SLC5A10: variants seen among roughly 807,000 people sequenced by gnomAD.
SLC5A10 encodes the protein sodium/mannose cotransporter SLC5A10.
Under a neutral mutation model 68.9 loss-of-function variants are expected in SLC5A10, and 55 were observed. The observed-to-expected ratio is 0.80, with a 90% CI of 0.64 to 1.00. SLC5A10 has a LOEUF of 1.00. Among genes scored for constraint, SLC5A10 ranks in the 50% least tolerant of loss-of-function variants. The pLI, the probability that SLC5A10 is intolerant of heterozygous loss-of-function variation, is 0.00. For missense variants in SLC5A10, 732 were observed against 819.3 expected, an observed-to-expected ratio of 0.89 and a Z score of 1.30; for synonymous variants, 344 against 344.8, an observed-to-expected ratio of 1.00 and a Z score of 0.02.
At chr17:18,999,727 A>C (rs1438184674) in intron 9 of SLC5A10, among the ~76,000 whole-genome samples, 1 of 152,240 alleles carries the variant, frequency 6.6e-6, no homozygotes, top group Non-Finnish European at 1.5e-5. Context: ...GGGGTGAATC[A>C]GGCTTCGTGA....
chr17:19,009,233 C>T (rs1043582381), intron 9 of SLC5A10, among the ~76,000 whole-genome samples: 1 of 152,094 alleles, frequency 6.6e-6, no homozygotes, highest in African/African-American at 2.4e-5. Context: ...TCTGTCACCT[C>T]AAGGCTGGAG....
chr17:18,965,913 C>T (rs779315164), intron 5 of SLC5A10, among the ~76,000 whole-genome samples: 3 of 152,236 alleles, frequency 2.0e-5, no homozygotes, highest in Admixed American at 1.3e-4. Flanking sequence ...TTTCACTTCT[C>T]CATGCCCAGG....
chr17:19,017,172 G>C lies in SLC5A10; in HGVS notation c.1241+1973G>C. On this transcript the variant is annotated intron_variant, in intron 11 of 14. Transcript: ENST00000395645. This position sits in a 1 kb window ranked among gnomAD's most constrained non-coding sequence, Gnocchi z 5.6. ...GCACAAGGCTGCGTGGTGCAGGGCAGGTTGCTCACCCTCTCTGGGCCCCAG... is the reference window on the plus strand; with the variant it reads ...GCACAAGGCTGCGTGGTGCAGGGCACGTTGCTCACCCTCTCTGGGCCCCAG... 1 of 928,536 alleles carries C rather than the reference G, an allele frequency of 1.1e-6. No individual in the cohort carries two copies. Among genetic ancestry groups the C allele is most frequent in the South Asian group, 1.6e-5 (1 of 63,102 alleles). 57.5% of individuals were successfully genotyped at this position (928,536 alleles called of 1,614,324 possible).
chr17:18,951,474 G>GCGGAA (rs1274110809), upstream of SLC5A10, among the ~76,000 whole-genome samples: 51 of 152,372 alleles, frequency 3.3e-4, no homozygotes, highest in African/African-American at 1.2e-3. Flanking sequence ...GGGATCATGT[G>GCGGAA]CAGAACAGCC....
intron 9 of SLC5A10, chr17:18,977,616 G>A (rs1187682314): frequency 3.1e-6 from 5 of 1,609,308 alleles, no homozygotes; most frequent in East Asian, 2.2e-5. Flanking sequence ...CGCTGGGCCT[G>A]CATCCTCTTC....
intron 1 of SLC5A10, among the ~76,000 whole-genome samples, chr17:18,953,204 C>T (rs544960510): frequency 1.3e-4 from 20 of 149,064 alleles, no homozygotes; most frequent in Non-Finnish European, 2.4e-4. Context: ...GGCACTATCT[C>T]GGCTCACTGC....
At position 18,980,601 on chromosome 17, in the gene SLC5A10, C is replaced by G. The variant is rs73981269; in HGVS notation, c.982+3612C>G. On this transcript the variant is annotated intron_variant, in intron 9 of 14. Coordinates refer to ENST00000395645, the MANE Select transcript of SLC5A10 (RefSeq NM_001042450.4). Reference sequence around the variant, plus strand: ...AGCTCCAGGTGCTGACTTCCCTCCCCCAGGTAGCAGGACCTGCTGTGAGGG... The same window carrying G: ...AGCTCCAGGTGCTGACTTCCCTCCCGCAGGTAGCAGGACCTGCTGTGAGGG... Among the ~76,000 whole-genome samples, 1,307 of 152,304 alleles carry G rather than the reference C, an allele frequency of 8.6e-3. 15 individuals are homozygous for G. Among genetic ancestry groups the G allele is most frequent in the African/African-American group, 0.03 (1,253 of 41,562 alleles).
chr17:18,978,809 G>A (rs2043056300), intron 9 of SLC5A10: 1 of 1,612,874 alleles, frequency 6.2e-7, no homozygotes, highest in African/African-American at 1.3e-5. Flanking sequence ...AGACAGCACA[G>A]AGATCACATT....
In SLC5A10 at chr17:19,017,148, C is replaced by T. The variant is rs576975032; in HGVS notation, c.1241+1949C>T. ...CAGTCGGCCTCCCTGAGGAGCAAGGCACAAGGCTGCGTGGTGCAGGGCAGG... is the reference window on the plus strand; with the variant it reads ...CAGTCGGCCTCCCTGAGGAGCAAGGTACAAGGCTGCGTGGTGCAGGGCAGG... On this transcript the variant is annotated intron_variant, in intron 11 of 14. Coordinates refer to ENST00000395645, the MANE Select transcript of SLC5A10 (RefSeq NM_001042450.4). This position sits in a 1 kb window ranked among gnomAD's most constrained non-coding sequence, Gnocchi z 5.6. The T allele has an allele frequency of 2.2e-4, 163 of 741,010 alleles. 5 individuals carry two copies. In the South Asian group the frequency reaches 2.7e-3, roughly 12 times the overall value. 45.9% of individuals were successfully genotyped at this position (741,010 alleles called of 1,614,324 possible).
intron 9 of SLC5A10, 104 bp from the exon 10 acceptor site, chr17:19,013,306 T>C (rs139650802): frequency 3.4e-5 from 53 of 1,540,788 alleles, no homozygotes; most frequent in Admixed American, 1.1e-4. Context: ...TCAGAGGCAT[T>C]GATGGAGCAG....
At chr17:18,975,455 C>T (rs1045908815) in intron 8 of SLC5A10, among the ~76,000 whole-genome samples, 12 of 151,994 alleles carry the variant, frequency 7.9e-5, no homozygotes, top group Admixed American at 2.6e-4. Flanking sequence ...TTTGGGAGGC[C>T]GAGGCGGGCA....
upstream of SLC5A10, among the ~76,000 whole-genome samples, chr17:18,951,185 G>A (rs946265386): frequency 1.5e-4 from 23 of 152,364 alleles, no homozygotes; most frequent in African/African-American, 5.5e-4. Context: ...TCATGTCACT[G>A]AGCAGAGGCG....
chr17:19,001,559 T>C (rs2043730192), intron 9 of SLC5A10, among the ~76,000 whole-genome samples: 1 of 152,240 alleles, frequency 6.6e-6, no homozygotes, highest in Admixed American at 6.5e-5. Flanking sequence ...AGCTTCTTCC[T>C]GGCTATGTCA....
intron 1 of SLC5A10, among the ~76,000 whole-genome samples, chr17:18,955,000 T>C (rs777165811): frequency 1.3e-4 from 20 of 149,746 alleles, no homozygotes; most frequent in African/African-American, 3.7e-4. Context: ...GCAGGAGAAT[T>C]GCTTGAAACC....
chr17:18,978,698 G>A (rs1363032155), intron 9 of SLC5A10: 17 of 1,612,968 alleles, frequency 1.1e-5, no homozygotes, highest in Non-Finnish European at 1.4e-5. Context: ...AATAGGCTCC[G>A]GCTCCGGTTC....
At chr17:18,998,234 G>A (rs2043617008) in intron 9 of SLC5A10, among the ~76,000 whole-genome samples, 1 of 152,268 alleles carries the variant, frequency 6.6e-6, no homozygotes, top group African/African-American at 2.4e-5. Context: ...CTGCTCTCAA[G>A]GCAGAGGGTA....
chr17:19,017,525 T>C lies in SLC5A10; in HGVS notation c.1242-1898T>C. 5 of 835,314 alleles carry C rather than the reference T, an allele frequency of 6.0e-6. No homozygotes were observed. Among genetic ancestry groups the C allele is most frequent in the South Asian group, 1.7e-5 (1 of 59,952 alleles). The allele number at this position is 835,314 out of a possible 1,614,324, so 51.7% of individuals were successfully genotyped here. A position where few individuals can be genotyped will look rare whatever the true frequency, so the allele number is the denominator to read the frequency against. ...TGCAGTACCATGCCGGTGACCCTGA[T>C]GGCTCTGTCCAGCTGAGCAGAGGCT... is the stretch of plus-strand genomic sequence containing the variant. On this transcript the variant is annotated intron_variant, in intron 11 of 14. Coordinates refer to ENST00000395645, the MANE Select transcript of SLC5A10 (RefSeq NM_001042450.4). The surrounding 1 kb of genome is among the most constrained non-coding windows in gnomAD (Gnocchi z 5.6).
At chr17:18,977,324 C>T (rs1471148636) in intron 9 of SLC5A10, 2 of 584,536 alleles carry the variant, frequency 3.4e-6, no homozygotes, top group East Asian at 5.9e-5. Flanking sequence ...CTTTGGAGAC[C>T]TCTAGGTGGG....
chr17:18,993,949 G>A (rs1401837755), intron 9 of SLC5A10, among the ~76,000 whole-genome samples: 2 of 152,176 alleles, frequency 1.3e-5, no homozygotes, highest in East Asian at 1.9e-4. Flanking sequence ...GCAGCTGCAC[G>A]GACCCTCCTC....
Sources: allele counts gnomAD v4.1 joint callset (sites outside exome capture counted in the v4.1 genomes callset), GRCh38; gene constraint gnomAD v4.1.1; non-coding constraint Gnocchi (gnomAD v3.1); transcripts MANE v1.5; gene names NCBI Gene and HGNC (gene_info 2026-07-23, HGNC 2026-07-21).